The following LPA variants were observed in gnomAD, a reference collection of about 807,000 sequenced individuals.
LPA encodes apolipoprotein(a).
A neutral mutation model predicts 197.9 loss-of-function variants in LPA; 199 were observed. That is an observed-to-expected ratio of 1.01 (90% CI 0.90 to 1.13). LPA has a LOEUF of 1.13. LPA is among the 50% of genes most tolerant of loss of function. LPA has a pLI of 0.00. For synonymous variants in LPA, 715 were observed against 639.5 expected, an observed-to-expected ratio of 1.12 and a Z score of -1.78; for missense variants, 1,853 against 1,785.8, an observed-to-expected ratio of 1.04 and a Z score of -0.68.
At chr6:160,600,823 C>T in intron 19 of LPA, 94 bp downstream of exon 19, 1 of 1,377,634 alleles carries the variant, frequency 7.3e-7, no homozygotes, top group Non-Finnish European at 1.0e-6. Flanking sequence ...CACACGAGAA[C>T]CAGTGTAGCA....
At chr6:160,581,659 C>G (rs898665810) in intron 26 of LPA, among the ~76,000 whole-genome samples, 3 of 152,116 alleles carry the variant, frequency 2.0e-5, no homozygotes, top group Non-Finnish European at 2.9e-5. Context: ...GCATCTATCC[C>G]ACAAACTTGT....
At chr6:160,551,890 T>A (rs1166378003) in intron 30 of LPA, among the ~76,000 whole-genome samples, 3 of 151,818 alleles carry the variant, frequency 2.0e-5, no homozygotes, top group Non-Finnish European at 4.4e-5. Flanking sequence ...GTTTGCATAC[T>A]TTTTTGGCCA....
At chr6:160,590,700 G>T (rs1035130332) in intron 23 of LPA, among the ~76,000 whole-genome samples, 9 of 152,076 alleles carry the variant, frequency 5.9e-5, no homozygotes, top group Non-Finnish European at 1.3e-4. Context: ...ATAACCAGGG[G>T]AGTGGTAAAT....
chr6:160,565,700 G>A (rs1172212481), intron 28 of LPA, among the ~76,000 whole-genome samples: 2 of 152,184 alleles, frequency 1.3e-5, no homozygotes, highest in African/African-American at 4.8e-5. Flanking sequence ...AGAGAAGAAG[G>A]CTTCAGACGA....
chr6:160,562,200 G>T (rs1423197845), intron 28 of LPA, among the ~76,000 whole-genome samples: 6 of 152,170 alleles, frequency 3.9e-5, no homozygotes, highest in Non-Finnish European at 7.3e-5. Context: ...TATTGGCTAT[G>T]CATTTGTCAT....
chr6:160,562,001 A>G (rs1005779626), intron 28 of LPA, among the ~76,000 whole-genome samples: 3 of 152,232 alleles, frequency 2.0e-5, no homozygotes, highest in African/African-American at 7.2e-5. Context: ...ATATACAATC[A>G]TGTCATCTGC....
At chr6:160,659,493 C>T (rs563160645) in intron 1 of LPA, among the ~76,000 whole-genome samples, 3 of 152,306 alleles carry the variant, frequency 2.0e-5, no homozygotes, top group African/African-American at 7.2e-5. Flanking sequence ...AGGAGCCTTG[C>T]CTGGTGAAGA....
chr6:160,661,940 G>T (rs1489343477), intron 1 of LPA, among the ~76,000 whole-genome samples: 2 of 152,074 alleles, frequency 1.3e-5, no homozygotes, highest in East Asian at 1.9e-4. Flanking sequence ...GGCTACAATT[G>T]ATATTCAAAA....
intron 1 of LPA, among the ~76,000 whole-genome samples, chr6:160,653,039 TAAC>T (rs533144253): frequency 3.9e-5 from 6 of 152,218 alleles, no homozygotes; most frequent in African/African-American, 1.4e-4. Context: ...TTAATCCTAT[TAAC>T]AACTACTTTA....
chr6:160,597,829 T>C (rs1320175617), intron 20 of LPA, among the ~76,000 whole-genome samples: 2 of 152,238 alleles, frequency 1.3e-5, no homozygotes, highest in African/African-American at 4.8e-5. Context: ...AAATGCTTTT[T>C]TATGTGTAGT....
chr6:160,657,202 T>G (rs1830522), intron 1 of LPA, among the ~76,000 whole-genome samples: 120,861 of 151,980 alleles, frequency 0.8, 48,608 homozygotes, highest in African/African-American at 0.89. Context: ...TTCACAAAGC[T>G]TCGGCCAAGG....
chr6:160,559,020 T>C (rs1291966310), intron 28 of LPA, among the ~76,000 whole-genome samples: 1 of 152,222 alleles, frequency 6.6e-6, no homozygotes, highest in East Asian at 1.9e-4. Context: ...CTTTTTACAG[T>C]TGAGATATAC....
intron 28 of LPA, among the ~76,000 whole-genome samples, chr6:160,558,597 C>T (rs1015379956): frequency 5.3e-5 from 8 of 152,112 alleles, no homozygotes; most frequent in African/African-American, 1.7e-4. Flanking sequence ...CCTCTGCTAG[C>T]GGCAGCCACT....
chr6:160,594,927 G>A (rs1779101418), intron 21 of LPA, among the ~76,000 whole-genome samples: 1 of 152,116 alleles, frequency 6.6e-6, no homozygotes, highest in Admixed American at 6.5e-5. Context: ...TCTCAAGGAT[G>A]ACAGACTCAA....
intron 22 of LPA, among the ~76,000 whole-genome samples, chr6:160,593,732 A>G (rs1176012578): frequency 1.3e-5 from 2 of 152,182 alleles, no homozygotes; most frequent in East Asian, 1.9e-4. Flanking sequence ...ATGAGAACTC[A>G]CCACCTTCAA....
chr6:160,594,250 T>C (rs191004286), intron 21 of LPA, 133 bp from the exon 22 acceptor site: 2 of 1,029,846 alleles, frequency 1.9e-6, no homozygotes, highest in African/African-American at 1.6e-5. Flanking sequence ...AGCAGGCAGA[T>C]GGACATACCA....
In LPA at chr6:160,601,196, A is replaced by G. The variant is rs1293932768; in HGVS notation, c.2946-98T>C. 1.3e-5 allele frequency: 14 copies of G among 1,037,652 alleles called. No homozygotes were observed. The Admixed American group carries it at 2.5e-4, about 18-fold the overall frequency. The allele number at this position is 1,037,652 out of a possible 1,614,324, so 64.3% of individuals were successfully genotyped here. On this transcript the variant is annotated intron_variant, in intron 18 of 38. Transcript: ENST00000316300. ...CAAGGTCATTACTGGTGCCTTTGAAATATTCCCAAAAGAGATACCATACAA... is the reference window on the plus strand; with the variant it reads ...CAAGGTCATTACTGGTGCCTTTGAAGTATTCCCAAAAGAGATACCATACAA...
intron 34 of LPA, among the ~76,000 whole-genome samples, chr6:160,541,525 C>T (rs1403179302): frequency 1.3e-5 from 2 of 152,200 alleles, no homozygotes; most frequent in East Asian, 3.8e-4. Flanking sequence ...CCAAGACCTT[C>T]CCAAGGTCTC....
rs1188266967 is a variant in LPA at position 160,650,491 on chromosome 6, G to C, written c.56C>G (p.Pro19Arg). The change falls in exon 2 of 39, where the codon CCT (proline) becomes CGT (arginine). Residue 19 changes from proline to arginine, a missense_variant. Coordinates refer to ENST00000316300, the MANE Select transcript of LPA (RefSeq NM_005577.4). ...ATCCTGGACCACATGGCTTTGCTCA[G>C]GTGCTGCTAAAATTAAAACAGAAGA... ...LLLLFLKSAA[P>R]EQSHVVQDCY... The C allele has an allele frequency of 1.9e-6, 3 of 1,613,412 alleles. No homozygotes were observed. The highest frequency in any genetic ancestry group is 2.5e-6 in the Non-Finnish European group (3 of 1,179,570).
Sources: allele counts gnomAD v4.1 joint callset (sites outside exome capture counted in the v4.1 genomes callset), GRCh38; gene constraint gnomAD v4.1.1; transcripts MANE v1.5; gene names NCBI Gene and HGNC (gene_info 2026-07-23, HGNC 2026-07-21).